PPP2R5C: variants seen among roughly 807,000 people sequenced by gnomAD.
PPP2R5C encodes the protein protein phosphatase 2 regulatory subunit B'gamma.
Under a neutral mutation model 68.9 loss-of-function variants are expected in PPP2R5C, and 7 were observed. That is an observed-to-expected ratio of 0.10 (90% CI 0.06 to 0.19). PPP2R5C has a LOEUF of 0.19. Among genes scored for constraint, PPP2R5C ranks in the 10% least tolerant of loss-of-function variants. PPP2R5C has a pLI of 1.00. For missense variants in PPP2R5C, 348 were observed against 641.3 expected (o/e 0.54, Z 4.94); for synonymous variants, 210 against 222.2 (o/e 0.95, Z 0.49).
At chr14:101,761,637 G>C (rs1380756086), upstream of PPP2R5C, among the ~76,000 whole-genome samples, 1 of 127,882 alleles carries the variant, frequency 7.8e-6, no homozygotes, top group African/African-American at 2.8e-5. Context: ...GGGGTGGGAG[G>C]AGAGGGGCGG....
At chr14:101,844,983 T>A (rs2041734885) in intron 1 of PPP2R5C, among the ~76,000 whole-genome samples, 1 of 152,120 alleles carries the variant, frequency 6.6e-6, no homozygotes, top group South Asian at 2.1e-4. Flanking sequence ...TGTTGAGCAT[T>A]TAGTAATCAG....
intron 3 of PPP2R5C, chr14:101,796,813 A>C (rs376733389): frequency 1.7e-5 from 4 of 230,564 alleles, no homozygotes; most frequent in African/African-American, 9.2e-5. Flanking sequence ...CTTCTTGGAC[A>C]TTCCCGTCCT....
At chr14:101,790,901 A>G (rs2038330209) in intron 3 of PPP2R5C, among the ~76,000 whole-genome samples, 1 of 152,214 alleles carries the variant, frequency 6.6e-6, no homozygotes, top group Non-Finnish European at 1.5e-5. Flanking sequence ...TAACACGGTG[A>G]AACTCCATCT....
intron 5 of PPP2R5C, among the ~76,000 whole-genome samples, chr14:101,884,736 A>G (rs1440943956): frequency 6.6e-6 from 1 of 152,074 alleles, no homozygotes; most frequent in Admixed American, 6.5e-5. Context: ...TCTTTTTTAC[A>G]CCAGCCCTTC....
chr14:101,836,073 A>T (rs1266419430), intron 1 of PPP2R5C: 5 of 614,346 alleles, frequency 8.1e-6, no homozygotes, highest in Non-Finnish European at 1.4e-5. Flanking sequence ...GGGAAATTAA[A>T]TTTTTTTAAT....
intron 1 of PPP2R5C, among the ~76,000 whole-genome samples, chr14:101,842,648 G>A (rs997386721): frequency 6.6e-6 from 1 of 152,110 alleles, no homozygotes; most frequent in Non-Finnish European, 1.5e-5. Context: ...CCCTTCCCAG[G>A]TGTGGTCAGT....
intron 1 of PPP2R5C, among the ~76,000 whole-genome samples, 200 bp from the exon 4 acceptor site, chr14:101,856,486 C>T (rs1289196085): frequency 6.6e-6 from 1 of 152,240 alleles, no homozygotes; most frequent in Non-Finnish European, 1.5e-5. Context: ...CTTCCTCATA[C>T]CAAACATATA....
At chr14:101,836,898 G>A (rs557014628) in intron 1 of PPP2R5C, among the ~76,000 whole-genome samples, 1 of 152,338 alleles carries the variant, frequency 6.6e-6, no homozygotes, top group South Asian at 2.1e-4. Context: ...CAGTCCATAG[G>A]ATGATATAAC....
intron 2 of PPP2R5C, among the ~76,000 whole-genome samples, chr14:101,775,310 A>C (rs183724383): frequency 6.6e-6 from 1 of 152,154 alleles, no homozygotes; most frequent in Non-Finnish European, 1.5e-5. Context: ...TAAATCCCTT[A>C]TATGATAAAA....
intron 11 of PPP2R5C, among the ~76,000 whole-genome samples, chr14:101,911,690 C>G (rs61623483): frequency 5.5e-4 from 84 of 151,892 alleles, no homozygotes; most frequent in Non-Finnish European, 9.6e-4. Flanking sequence ...CGAGACCAGC[C>G]TGGCCAATAT....
chr14:101,889,567 T>G (rs1179090887), intron 5 of PPP2R5C, among the ~76,000 whole-genome samples: 4 of 152,190 alleles, frequency 2.6e-5, no homozygotes, highest in Non-Finnish European at 5.9e-5. Flanking sequence ...GGAGACAGGC[T>G]GGCACAGAGG....
rs886657909 is a variant in PPP2R5C, at chr14:101,915,271, G to A, written c.1327-2560G>A. Among the ~76,000 whole-genome samples the A allele has an allele frequency of 7.9e-5, 12 of 152,030 alleles. No individual in the cohort carries two copies. The highest frequency in any genetic ancestry group is 1.5e-4 in the African/African-American group (6 of 41,352). Reference sequence around the variant, plus strand: ...TAATTTTTGTATTTTTAGTAGAGACGGGGTTTCACTATGTTGGCCAGGCTG... The same window carrying A: ...TAATTTTTGTATTTTTAGTAGAGACAGGGTTTCACTATGTTGGCCAGGCTG... On this transcript the variant is annotated intron_variant, in intron 12 of 13. Transcript: ENST00000334743. This position sits in a 1 kb window ranked among gnomAD's most constrained non-coding sequence, Gnocchi z 4.2.
Position 101,905,657 on chromosome 14 carries a change from CA to C in PPP2R5C, c.1024-733del, listed in dbSNP as rs908953650. ...GGGCAACAAGAGCAAAAATCCATCT[CA>C]AAAAAAAAAAAGAAAAGAAAAATGG... On this transcript the variant is annotated intron_variant, in intron 9 of 13. Transcript: ENST00000334743. 3.4e-3 allele frequency among the ~76,000 whole-genome samples: 482 copies of C among 140,800 alleles called. 1 individual carries two copies. The highest frequency in any genetic ancestry group is 9.7e-3 in the African/African-American group (376 of 38,630). 92.4% of individuals were successfully genotyped at this position (140,800 alleles called of 152,430 possible).
chr14:101,852,469 C>CTTTTTTTTTTTTTTTTTTTTTTTTTTT (rs559509845), intron 1 of PPP2R5C, among the ~76,000 whole-genome samples: 1 of 115,106 alleles, frequency 8.7e-6, no homozygotes, highest in African/African-American at 3.3e-5. Flanking sequence ...TTTTCTTTTT[C>CTTTTTTTTTTTTTTTTTTTTTTTTTTT]TTTTTTTTTT....
intron 1 of PPP2R5C, among the ~76,000 whole-genome samples, chr14:101,853,453 A>T (rs778365156): frequency 6.6e-6 from 1 of 152,220 alleles, no homozygotes; most frequent in Non-Finnish European, 1.5e-5. Context: ...AATTTTATTA[A>T]AAACCGTGTT....
chr14:101,829,590 C>G lies in PPP2R5C; in HGVS notation c.94+19554C>G, dbSNP rs551789512. 9.8e-5 allele frequency among the ~76,000 whole-genome samples: 15 copies of G among 152,286 alleles called. No homozygotes were observed. In the East Asian group the frequency reaches 2.5e-3, roughly 25 times the overall value. Reference sequence around the variant, plus strand: ...TTTACTTTTAACTGAGCATTGAGACCTCTTATAATATTCCATAAGGCTGGA... The same window carrying G: ...TTTACTTTTAACTGAGCATTGAGACGTCTTATAATATTCCATAAGGCTGGA... On this transcript the variant is annotated intron_variant, in intron 1 of 13. Transcript: ENST00000334743.
chr14:101,791,710 A>C (rs1211450917), intron 3 of PPP2R5C, among the ~76,000 whole-genome samples: 3 of 151,156 alleles, frequency 2.0e-5, no homozygotes, highest in Non-Finnish European at 4.4e-5. Flanking sequence ...CTGCAGTGCC[A>C]TTTTAAAATA....
chr14:101,858,309 C>T (rs552149619), intron 2 of PPP2R5C, among the ~76,000 whole-genome samples: 6 of 152,082 alleles, frequency 3.9e-5, no homozygotes, highest in Middle Eastern at 3.4e-3. Context: ...TTTTGTTTTG[C>T]GCATCACATT....
At chr14:101,761,677 A>ACGCCGCCGCTGC (rs935154771), upstream of PPP2R5C, 8 of 192,880 alleles carry the variant, frequency 4.1e-5, no homozygotes, top group South Asian at 1.8e-4. Flanking sequence ...GGGCGGAGAG[A>ACGCCGCCGCTGC]CGCCGCCGCT....
Sources: allele counts gnomAD v4.1 joint callset (sites outside exome capture counted in the v4.1 genomes callset), GRCh38; gene constraint gnomAD v4.1.1; non-coding constraint Gnocchi (gnomAD v3.1); transcripts MANE v1.5; gene names NCBI Gene and HGNC (gene_info 2026-07-23, HGNC 2026-07-21).